The following LGSN variants were observed in gnomAD, a reference collection of about 807,000 sequenced individuals.
The protein encoded by LGSN is lengsin.
Under a neutral mutation model 19.5 loss-of-function variants are expected in LGSN, and 21 were observed. The ratio of observed to expected loss-of-function variants is 1.07; its 90% CI spans 0.76 to 1.55. LGSN has a LOEUF of 1.55. Among genes scored for constraint, LGSN ranks in the 40% most tolerant of loss-of-function variants. The probability of loss-of-function intolerance (pLI) is 0.00; values close to 1 mark genes in which losing one functional copy is unlikely to be tolerated. For missense variants in LGSN, 673 were observed against 608.5 expected (o/e 1.11, Z -1.12); for synonymous variants, 257 against 215.6 (o/e 1.19, Z -1.68).
the LGSN span, among the ~76,000 whole-genome samples, chr6:63,360,415 C>T: frequency 6.6e-6 from 1 of 152,136 alleles, no homozygotes; most frequent in Non-Finnish European, 1.5e-5. Context: ...TTCATTTGAT[C>T]TTCCATCCTG....
intron 2 of LGSN, among the ~76,000 whole-genome samples, chr6:63,292,457 T>C (rs916768528): frequency 6.6e-6 from 1 of 152,058 alleles, no homozygotes; most frequent in South Asian, 2.1e-4. Context: ...CTGACAAGAG[T>C]GTCTTTGTTT....
At chr6:63,369,824 G>A in the LGSN span, among the ~76,000 whole-genome samples, 9,028 of 152,136 alleles carry the variant, frequency 0.059, 417 homozygotes, top group East Asian at 0.16. Flanking sequence ...GCAACTTGGT[G>A]AAACCCCATC....
chr6:63,531,031 T>C, the LGSN span, among the ~76,000 whole-genome samples: 1 of 152,354 alleles, frequency 6.6e-6, no homozygotes. Flanking sequence ...TGAGCTTTGC[T>C]TGTGAAAATT....
chr6:63,362,915 C>T, the LGSN span, among the ~76,000 whole-genome samples: 1 of 152,196 alleles, frequency 6.6e-6, no homozygotes, highest in Admixed American at 6.5e-5. Flanking sequence ...GGGTCCCTGA[C>T]CCGAGTAGCC....
the LGSN span, among the ~76,000 whole-genome samples, chr6:63,541,759 A>G: frequency 6.6e-6 from 1 of 152,212 alleles, no homozygotes; most frequent in African/African-American, 2.4e-5. Flanking sequence ...TATATTTACC[A>G]TCTCTTCCTA....
the LGSN span, among the ~76,000 whole-genome samples, chr6:63,333,327 A>G: frequency 6.6e-6 from 1 of 151,846 alleles, no homozygotes. Context: ...TATGCAGAAG[A>G]ACTAATAACA....
the LGSN span, among the ~76,000 whole-genome samples, chr6:63,326,501 G>A: frequency 6.6e-6 from 1 of 152,208 alleles, no homozygotes; most frequent in Non-Finnish European, 1.5e-5. Flanking sequence ...GGAGCAGGGG[G>A]TGGCGCTTGT....
the LGSN span, among the ~76,000 whole-genome samples, chr6:63,446,309 A>AT: frequency 6.7e-6 from 1 of 148,792 alleles, no homozygotes; most frequent in East Asian, 2.0e-4. Flanking sequence ...CACTGACTGG[A>AT]TTGCCTCCCC....
chr6:63,294,941 C>T lies in LGSN; in HGVS notation c.135G>A (p.Val45=). 1 of 1,613,870 alleles carries T rather than the reference C, an allele frequency of 6.2e-7. No homozygotes were observed. The highest frequency in any genetic ancestry group is 8.5e-7 in the Non-Finnish European group (1 of 1,179,860). Reference sequence around the variant, plus strand: ...TTGAATTGGACATATCCGTTTCTCCCACTTCAGTTGAACAAACATATGGTT... The same window carrying T: ...TTGAATTGGACATATCCGTTTCTCCTACTTCAGTTGAACAAACATATGGTT... The part of the protein sequence containing the change: ...VTKPYVCSTE[V]GETDMSNSND... The change falls in exon 2 of 4, where the codon GTG becomes GTA. Residue 45 remains valine, a synonymous_variant. Coordinates refer to ENST00000370657, the MANE Select transcript of LGSN (RefSeq NM_016571.3).
At chr6:63,560,496 G>A in the LGSN span, among the ~76,000 whole-genome samples, 20 of 149,816 alleles carry the variant, frequency 1.3e-4, no homozygotes, top group East Asian at 2.8e-3. Flanking sequence ...TCTGCCTCCC[G>A]AGTTCAAGTG....
chr6:63,451,646 G>A, the LGSN span, among the ~76,000 whole-genome samples: 3 of 151,786 alleles, frequency 2.0e-5, no homozygotes, highest in African/African-American at 7.3e-5. Context: ...TAACTAATGG[G>A]TACAAGGCTT....
intron 2 of LGSN, among the ~76,000 whole-genome samples, chr6:63,290,207 G>C (rs1176411486): frequency 2.0e-5 from 3 of 152,036 alleles, no homozygotes; most frequent in Non-Finnish European, 4.4e-5. Context: ...AGTACTGAAG[G>C]CCTATAGAGA....
chr6:63,294,792 T>A (rs796582580), intron 2 of LGSN, 121 bp downstream of exon 2: 1 of 950,780 alleles, frequency 1.1e-6, no homozygotes, highest in African/African-American at 1.7e-5. Context: ...TATGTAGGAA[T>A]AACTTTTATT....
the LGSN span, among the ~76,000 whole-genome samples, chr6:63,527,029 C>T: frequency 4.3e-4 from 65 of 151,866 alleles, no homozygotes; most frequent in African/African-American, 1.5e-3. Flanking sequence ...CCTGCTGCAC[C>T]TTATATATGT....
the LGSN span, among the ~76,000 whole-genome samples, chr6:63,478,841 T>C: frequency 3.3e-5 from 5 of 152,336 alleles, no homozygotes; most frequent in Non-Finnish European, 7.3e-5. Context: ...AGTTCAGTGA[T>C]TTTATCAAAG....
chr6:63,415,944 A>G, the LGSN span, among the ~76,000 whole-genome samples: 1 of 152,106 alleles, frequency 6.6e-6, no homozygotes, highest in African/African-American at 2.4e-5. Flanking sequence ...CATTGGGAGG[A>G]GGCCATTCAT....
the LGSN span, among the ~76,000 whole-genome samples, chr6:63,420,708 A>G: frequency 1.3e-5 from 2 of 152,208 alleles, no homozygotes; most frequent in Non-Finnish European, 2.9e-5. Context: ...TCAAAACACA[A>G]TATTCAACAT....
At chr6:63,355,057 TGAC>T in the LGSN span, among the ~76,000 whole-genome samples, 1 of 151,934 alleles carries the variant, frequency 6.6e-6, no homozygotes, top group Admixed American at 6.6e-5. Context: ...CAAAGAAGGG[TGAC>T]TACAGTAAAC....
At chr6:63,312,548 A>G (rs1768672943) in intron 1 of LGSN, among the ~76,000 whole-genome samples, 3 of 152,178 alleles carry the variant, frequency 2.0e-5, no homozygotes, top group African/African-American at 7.2e-5. Context: ...GTCCATGTAT[A>G]AGTTTTTTTT....
Sources: gnomAD v4.1 joint callset for allele counts (sites outside exome capture counted in the v4.1 genomes callset) on GRCh38, gnomAD v4.1.1 for gene constraint, MANE v1.5 for transcripts, NCBI Gene and HGNC (gene_info 2026-07-23, HGNC 2026-07-21) for gene names.